KHDRBS3: variants seen among roughly 807,000 people sequenced by gnomAD.
KHDRBS3 encodes KH domain-containing, RNA-binding, signal transduction-associated protein 3.
Under a neutral mutation model 45.6 loss-of-function variants are expected in KHDRBS3, and 23 were observed. The observed-to-expected ratio is 0.50, with a 90% CI of 0.36 to 0.72. KHDRBS3 has a LOEUF of 0.72. Among genes scored for constraint, KHDRBS3 ranks in the 30% least tolerant of loss-of-function variants. The pLI is 0.00. For missense variants in KHDRBS3, 352 were observed against 424.8 expected, an observed-to-expected ratio of 0.83 and a Z score of 1.51; for synonymous variants, 162 against 156.5, an observed-to-expected ratio of 1.04 and a Z score of -0.26.
chr8:135,604,406 T>G (rs960959099), intron 6 of KHDRBS3, among the ~76,000 whole-genome samples: 4 of 152,032 alleles, frequency 2.6e-5, no homozygotes, highest in Admixed American at 1.3e-4. Flanking sequence ...TTTAATCCAT[T>G]TACACTTAAT....
chr8:135,618,698 T>C (rs1432896661), intron 7 of KHDRBS3, among the ~76,000 whole-genome samples: 1 of 152,188 alleles, frequency 6.6e-6, no homozygotes, highest in Non-Finnish European at 1.5e-5. Flanking sequence ...TTCCAAAGTA[T>C]ATTAAACAAG....
chr8:135,632,593 C>T (rs545526701), intron 7 of KHDRBS3, among the ~76,000 whole-genome samples: 34 of 152,150 alleles, frequency 2.2e-4, no homozygotes, highest in African/African-American at 7.2e-4. Context: ...AATCAAACTC[C>T]GGAACTCTCC....
At chr8:135,549,931 T>A (rs1826502731) in intron 4 of KHDRBS3, 1 of 152,240 alleles carries the variant, frequency 6.6e-6, no homozygotes, top group South Asian at 2.1e-4. Context: ...TTTTCTTTAG[T>A]TCCCATGAGC....
In KHDRBS3 at chr8:135,582,021, C is replaced by T; in HGVS notation, c.755C>T (p.Thr252Ile). The change falls in exon 6 of 9, where the codon ACT becomes ATT. Residue 252 changes from threonine to isoleucine, a missense_variant. This residue lies in a region of KHDRBS3 where 212 missense variants were observed against 209.6 expected (regional missense o/e 1.01). Coordinates refer to ENST00000355849, the MANE Select transcript of KHDRBS3 (RefSeq NM_006558.3). ...LTPRARGVPP[T>I]GYRPPPPPPT... ...CCCAGAGCAAGAGGAGTCCCCCCAA[C>T]TGGGTACAGACCTCCACCGCCACCC... 1 of 1,611,812 alleles carries T rather than the reference C, an allele frequency of 6.2e-7. No individual in the cohort carries two copies. Among genetic ancestry groups the T allele is most frequent in the Non-Finnish European group, 8.5e-7 (1 of 1,178,772 alleles).
At chr8:135,579,968 C>G (rs1360196658) in intron 5 of KHDRBS3, among the ~76,000 whole-genome samples, 3 of 152,184 alleles carry the variant, frequency 2.0e-5, no homozygotes, top group African/African-American at 7.2e-5. Flanking sequence ...TATGAGGAGG[C>G]CTTGTTCTTG....
intron 7 of KHDRBS3, among the ~76,000 whole-genome samples, chr8:135,618,223 G>A (rs1563809614): frequency 6.6e-6 from 1 of 152,206 alleles, no homozygotes; most frequent in Non-Finnish European, 1.5e-5. Context: ...AACAGTGAGT[G>A]TCTGACAGTG....
intron 2 of KHDRBS3, among the ~76,000 whole-genome samples, chr8:135,538,373 G>A (rs377071609): frequency 5.3e-5 from 8 of 152,084 alleles, no homozygotes; most frequent in African/African-American, 1.9e-4. Flanking sequence ...CAAAATAATG[G>A]GAATTTTGAG....
chr8:135,625,474 A>T lies in KHDRBS3; in HGVS notation c.890+18437A>T, dbSNP rs1168388423. On this transcript the variant is annotated intron_variant, in intron 7 of 8. Coordinates refer to ENST00000355849, the MANE Select transcript of KHDRBS3 (RefSeq NM_006558.3). ...ACACCAGGGCAGCCTTAGGAGCCAC[A>T]GCAGTTCTCTGTGTTGAGATGGGCC... 3.8e-6 allele frequency: 3 copies of T among 782,342 alleles called. No homozygotes were observed. In the East Asian group the frequency reaches 7.3e-5, roughly 19 times the overall value. The allele number at this position is 782,342 out of a possible 1,614,324, so 48.5% of individuals were successfully genotyped here.
chr8:135,578,258 T>G (rs931200445), intron 5 of KHDRBS3, among the ~76,000 whole-genome samples: 2 of 152,158 alleles, frequency 1.3e-5, no homozygotes, highest in African/African-American at 2.4e-5. Context: ...ACTTACCAAT[T>G]TTTCTTTCAA....
intron 7 of KHDRBS3, among the ~76,000 whole-genome samples, chr8:135,609,043 T>C (rs1829592946): frequency 6.6e-6 from 1 of 152,182 alleles, no homozygotes; most frequent in Non-Finnish European, 1.5e-5. Context: ...CCTAGGACAT[T>C]ACCGCGCACC....
rs1376196673 is a variant in KHDRBS3 at position 135,469,514 on chromosome 8, T to TTTTTG, written c.88+11562_88+11563insTTGTT. Among the ~76,000 whole-genome samples, 10 of 21,574 alleles carry TTTTTG rather than the reference T, an allele frequency of 4.6e-4. 1 individual carries two copies. The South Asian group carries it at 0.017, about 36-fold the overall frequency. The allele number at this position is 21,574 out of a possible 152,430, so 14.2% of individuals were successfully genotyped here. The stretch of plus-strand genomic sequence containing the variant: ...ATGTTAGCCAGGATGGTGTTTTTTT[T>TTTTTG]TTGTTTTGGTTTTTTTTTTTTTTTT... On this transcript the variant is annotated intron_variant, in intron 1 of 8. Transcript: ENST00000355849.
At position 135,607,035 on chromosome 8, in the gene KHDRBS3, A is replaced by G; in HGVS notation, c.888A>G (p.Gln296=). The G allele has an allele frequency of 6.2e-7, 1 of 1,611,408 alleles. No homozygotes were observed. The highest frequency in any genetic ancestry group is 1.7e-4 in the Middle Eastern group (1 of 6,054). The change falls in exon 7 of 9, where the codon CAA becomes CAG. Residue 296 remains glutamine, a splice_region_variant and synonymous_variant. Transcript: ENST00000355849. Reference sequence around the variant, plus strand: ...ATAACAGCTATAGCACCCCAGCCCAAAGGTAAGAGTCAGTCTTTATTACCA... The same window carrying G: ...ATAACAGCTATAGCACCCCAGCCCAGAGGTAAGAGTCAGTCTTTATTACCA... The part of the protein sequence containing the change: ...SYDNSYSTPA[Q]SGADYYDYGH...
chr8:135,555,507 T>G (rs901713584), intron 4 of KHDRBS3, among the ~76,000 whole-genome samples: 13 of 152,148 alleles, frequency 8.5e-5, no homozygotes, highest in African/African-American at 2.7e-4. Context: ...GTTGTATAGT[T>G]TTAGTTATTT....
intron 2 of KHDRBS3, among the ~76,000 whole-genome samples, chr8:135,531,601 A>G (rs1825481687): frequency 6.6e-6 from 1 of 152,180 alleles, no homozygotes; most frequent in Non-Finnish European, 1.5e-5. Flanking sequence ...AATTTTACTA[A>G]ATAATATAGG....
chr8:135,583,762 A>G (rs1828326459), intron 6 of KHDRBS3, among the ~76,000 whole-genome samples: 1 of 152,170 alleles, frequency 6.6e-6, no homozygotes, highest in African/African-American at 2.4e-5. Flanking sequence ...TGAGCCAGAC[A>G]CACATGTTGT....
chr8:135,612,035 T>A (rs1225979509), intron 7 of KHDRBS3, among the ~76,000 whole-genome samples: 1 of 151,826 alleles, frequency 6.6e-6, no homozygotes, highest in Non-Finnish European at 1.5e-5. Context: ...CCTCTCTGCA[T>A]CCCCTTCGAT....
intron 5 of KHDRBS3, among the ~76,000 whole-genome samples, chr8:135,568,432 T>C (rs568879382): frequency 3.3e-5 from 5 of 152,294 alleles, no homozygotes; most frequent in African/African-American, 1.2e-4. Flanking sequence ...AAAAATGTTT[T>C]AAAATCTGTA....
intron 3 of KHDRBS3, among the ~76,000 whole-genome samples, chr8:135,546,477 C>T (rs559974386): frequency 1.3e-5 from 2 of 152,106 alleles, no homozygotes; most frequent in African/African-American, 2.4e-5. Context: ...GACAGTGCTC[C>T]GGTCTGTTGA....
At chr8:135,650,208 G>C (rs907505392), downstream of KHDRBS3, among the ~76,000 whole-genome samples, 1 of 152,070 alleles carries the variant, frequency 6.6e-6, no homozygotes, top group African/African-American at 2.4e-5. Context: ...TTCAAATACC[G>C]CAAAACCGAA....
Sources: gnomAD v4.1 joint callset for allele counts (sites outside exome capture counted in the v4.1 genomes callset) on GRCh38, gnomAD v4.1.1 for gene constraint, gnomAD v4.1.1 regional missense constraint, MANE v1.5 for transcripts, NCBI Gene and HGNC (gene_info 2026-07-23, HGNC 2026-07-21) for gene names.